UBE2D1: variants seen among roughly 807,000 people sequenced by gnomAD.
The protein encoded by UBE2D1 is ubiquitin conjugating enzyme E2 D1, also known as ubiquitin-conjugating enzyme E2 D1.
In UBE2D1, 9 loss-of-function variants were observed where a neutral mutation model predicts 24.6. The ratio of observed to expected loss-of-function variants is 0.37; its 90% CI spans 0.22 to 0.64. The LOEUF is 0.64. Ranked by LOEUF, UBE2D1 falls within the 30% of genes least tolerant of loss-of-function variation. The pLI is 0.64. For missense variants in UBE2D1, 87 were observed against 177.1 expected, an observed-to-expected ratio of 0.49 and a Z score of 2.89; for synonymous variants, 57 against 57.6, an observed-to-expected ratio of 0.99 and a Z score of 0.04.
chr10:58,335,383 T>C (rs1905456), intron 1 of UBE2D1, among the ~76,000 whole-genome samples, 158 bp downstream of exon 1: 149,016 of 152,320 alleles, frequency 0.98, 72,915 homozygotes, highest in East Asian at 1. Context: ...CCAGCGGGCA[T>C]CGGACAGGTG....
intron 1 of UBE2D1, among the ~76,000 whole-genome samples, chr10:58,340,175 T>C (rs1432595798): frequency 6.6e-6 from 1 of 152,214 alleles, no homozygotes; most frequent in Non-Finnish European, 1.5e-5. Context: ...TCTAAATAAT[T>C]GTTACTAATG....
intron 1 of UBE2D1, among the ~76,000 whole-genome samples, chr10:58,357,613 G>A (rs1840146521): frequency 1.3e-5 from 2 of 152,078 alleles, no homozygotes; most frequent in Admixed American, 1.3e-4. Flanking sequence ...TTGTGGACCA[G>A]AGTGGGAATG....
intron 1 of UBE2D1, among the ~76,000 whole-genome samples, chr10:58,360,220 C>T (rs577250273): frequency 4.2e-4 from 64 of 152,282 alleles, no homozygotes; most frequent in Admixed American, 1.8e-3. Context: ...CCTACTCATC[C>T]TTTAGATTTC....
intron 1 of UBE2D1, among the ~76,000 whole-genome samples, chr10:58,345,416 A>G (rs565347124): frequency 6.6e-6 from 1 of 152,286 alleles, no homozygotes; most frequent in African/African-American, 2.4e-5. Flanking sequence ...TCAAGATTAC[A>G]GTGAGCTGTG....
chr10:58,339,843 C>T (rs901124616), intron 1 of UBE2D1, among the ~76,000 whole-genome samples: 1 of 151,666 alleles, frequency 6.6e-6, no homozygotes, highest in African/African-American at 2.4e-5. Context: ...TTACATATCG[C>T]TACTGAAAGC....
At chr10:58,337,859 T>G (rs1027431212) in intron 1 of UBE2D1, among the ~76,000 whole-genome samples, 1 of 152,088 alleles carries the variant, frequency 6.6e-6, no homozygotes, top group Non-Finnish European at 1.5e-5. Flanking sequence ...ATCTCTTTTT[T>G]TTTTTGAGAT....
chr10:58,338,783 T>C (rs1476783905), intron 1 of UBE2D1, among the ~76,000 whole-genome samples: 2 of 151,276 alleles, frequency 1.3e-5, no homozygotes, highest in Non-Finnish European at 2.9e-5. Context: ...TGATGTGATG[T>C]GATAAGTTTA....
chr10:58,336,841 G>T (rs895157196), intron 1 of UBE2D1, among the ~76,000 whole-genome samples: 11 of 152,052 alleles, frequency 7.2e-5, no homozygotes, highest in Admixed American at 3.9e-4. Context: ...ATTTCATTGT[G>T]TTTTTTTAAG....
At chr10:58,340,705 G>T (rs1839953076) in intron 1 of UBE2D1, among the ~76,000 whole-genome samples, 1 of 152,104 alleles carries the variant, frequency 6.6e-6, no homozygotes, top group African/African-American at 2.4e-5. Flanking sequence ...CTATCCAATA[G>T]AAATACAATG....
intron 1 of UBE2D1, among the ~76,000 whole-genome samples, chr10:58,342,823 G>GTT (rs925514688): frequency 1.4e-5 from 2 of 138,760 alleles, no homozygotes; most frequent in African/African-American, 2.6e-5. Context: ...GTTTTTTTTG[G>GTT]TTTTTTTTTT....
At position 58,356,434 on chromosome 10, in the gene UBE2D1, A is replaced by G. The variant is rs140449010; in HGVS notation, c.25-4904A>G. Among the ~76,000 whole-genome samples, 10 of 152,268 alleles carry G rather than the reference A, an allele frequency of 6.6e-5. No individual in the cohort carries two copies. The East Asian group carries it at 1.7e-3, about 26-fold the overall frequency. On this transcript the variant is annotated intron_variant, in intron 1 of 6. Coordinates refer to ENST00000373910, the MANE Select transcript of UBE2D1 (RefSeq NM_003338.5). ...ATAGATCTGTTTCACTGTTTTAAATAGCTACTCAGTATTTCATAATATGGC... is the reference window on the plus strand; with the variant it reads ...ATAGATCTGTTTCACTGTTTTAAATGGCTACTCAGTATTTCATAATATGGC...
chr10:58,352,399 G>A (rs1357025754), intron 1 of UBE2D1, among the ~76,000 whole-genome samples: 4 of 151,996 alleles, frequency 2.6e-5, no homozygotes, highest in African/African-American at 9.7e-5. Flanking sequence ...AGTGGCACAC[G>A]GTCTGTGTGG....
At chr10:58,337,852 T>TC (rs767766582) in intron 1 of UBE2D1, among the ~76,000 whole-genome samples, 13 of 151,924 alleles carry the variant, frequency 8.6e-5, no homozygotes, top group East Asian at 1.9e-4. Flanking sequence ...AAAGATAATC[T>TC]CTTTTTTTTT....
At chr10:58,335,605 GT>G (rs1425420896) in intron 1 of UBE2D1, among the ~76,000 whole-genome samples, 1 of 152,276 alleles carries the variant, frequency 6.6e-6, no homozygotes, top group Non-Finnish European at 1.5e-5. Context: ...TCTCCAGGCT[GT>G]TTCTTAAGCC....
At chr10:58,349,265 T>C (rs1355496831) in intron 1 of UBE2D1, among the ~76,000 whole-genome samples, 1 of 152,184 alleles carries the variant, frequency 6.6e-6, no homozygotes, top group Non-Finnish European at 1.5e-5. Context: ...TTTATTTGAA[T>C]ATTAATCACA....
intron 4 of UBE2D1, chr10:58,364,367 C>G (rs1422639373): frequency 6.5e-6 from 1 of 154,856 alleles, no homozygotes; most frequent in African/African-American, 2.4e-5. Context: ...CCTGAAACAG[C>G]GTCAGCACCC....
chr10:58,359,346 G>A (rs1047122332), intron 1 of UBE2D1, among the ~76,000 whole-genome samples: 1 of 152,114 alleles, frequency 6.6e-6, no homozygotes, highest in Non-Finnish European at 1.5e-5. Context: ...CTTAAAATAA[G>A]GATGTGCTGT....
chr10:58,362,442 GTATT>G (rs1336002003), intron 3 of UBE2D1, among the ~76,000 whole-genome samples: 1 of 152,076 alleles, frequency 6.6e-6, no homozygotes, highest in East Asian at 1.9e-4. Flanking sequence ...AAAATACAAT[GTATT>G]TATATAACAA....
At chr10:58,342,087 T>C (rs1402096923) in intron 1 of UBE2D1, among the ~76,000 whole-genome samples, 1 of 152,178 alleles carries the variant, frequency 6.6e-6, no homozygotes, top group African/African-American at 2.4e-5. Flanking sequence ...TTAATTTGGT[T>C]CTGAGATGAA....
Sources: gnomAD v4.1 joint callset for allele counts (sites outside exome capture counted in the v4.1 genomes callset) on GRCh38, gnomAD v4.1.1 for gene constraint, MANE v1.5 for transcripts, NCBI Gene and HGNC (gene_info 2026-07-23, HGNC 2026-07-21) for gene names.